The following XRN1 variants were observed in gnomAD, a reference collection of about 807,000 sequenced individuals.
XRN1 encodes strand-exchange protein 1 homolog.
XRN1 carries 67 observed loss-of-function variants against 222.3 expected under a neutral mutation model. The ratio of observed to expected loss-of-function variants is 0.30; its 90% CI spans 0.25 to 0.37. The LOEUF (loss-of-function observed/expected upper bound fraction) is 0.37, where lower values mean the gene tolerates loss of function less well. XRN1 is among the 10% of genes least tolerant of loss of function. XRN1 has a pLI of 1.00. For missense variants in XRN1, 1,707 were observed against 2,000.2 expected (o/e 0.85, Z 2.80); for synonymous variants, 643 against 652.4 (o/e 0.99, Z 0.22).
intron 35 of XRN1, 142 bp downstream of exon 35, chr3:142,332,824 GC>G: frequency 7.7e-7 from 1 of 1,303,058 alleles, no homozygotes; most frequent in Non-Finnish European, 1.0e-6. Flanking sequence ...GCCCAGGGCA[GC>G]CTGGTTTCCT....
intron 33 of XRN1, among the ~76,000 whole-genome samples, chr3:142,340,014 A>G (rs1263466257): frequency 3.3e-5 from 5 of 152,160 alleles, no homozygotes; most frequent in African/African-American, 1.2e-4. Flanking sequence ...TCATAATAGC[A>G]GAAGTGATTA....
chr3:142,421,766 C>A (rs1353547714), intron 8 of XRN1, among the ~76,000 whole-genome samples: 1 of 152,118 alleles, frequency 6.6e-6, no homozygotes, highest in Non-Finnish European at 1.5e-5. Flanking sequence ...ATTCCAGGTT[C>A]CACATAATAA....
chr3:142,346,948 G>T (rs1411211924), intron 33 of XRN1, among the ~76,000 whole-genome samples: 3 of 152,194 alleles, frequency 2.0e-5, no homozygotes, highest in Non-Finnish European at 2.9e-5. Flanking sequence ...TATATGAAGT[G>T]TCTAGAATAG....
At position 142,311,390 on chromosome 3, in the gene XRN1, A is replaced by T. The variant is rs562786726; in HGVS notation, c.*121T>A. ...GTGCCTGATAACTTAAAAATGAAAAAAATTTCAATTTACACATATTATTTT... is the reference window on the plus strand; with the variant it reads ...GTGCCTGATAACTTAAAAATGAAAATAATTTCAATTTACACATATTATTTT... On this transcript the variant is annotated 3_prime_UTR_variant, in exon 41 of 41. Transcript: ENST00000392981. 1,731 of 994,402 alleles carry T rather than the reference A, an allele frequency of 1.7e-3. 4 individuals carry two copies. Among genetic ancestry groups the T allele is most frequent in the Non-Finnish European group, 2.2e-3 (1,570 of 719,284 alleles). 61.6% of individuals were successfully genotyped at this position (994,402 alleles called of 1,614,324 possible).
chr3:142,379,855 C>G (rs1376103436), intron 23 of XRN1, among the ~76,000 whole-genome samples: 1 of 149,492 alleles, frequency 6.7e-6, no homozygotes, highest in Non-Finnish European at 1.5e-5. Context: ...ATAACAATCA[C>G]TATGGATTAA....
At position 142,332,954 on chromosome 3, in the gene XRN1, AC is replaced by A. The variant is rs752084391; in HGVS notation, c.4062+12del. 6.2e-7 allele frequency: 1 copy of A among 1,612,150 alleles called. No homozygotes were observed. Among genetic ancestry groups the A allele is most frequent in the East Asian group, 2.2e-5 (1 of 44,796 alleles). On this transcript the variant is annotated intron_variant, in intron 35 of 40. Transcript: ENST00000392981. ...AAATTACCACAGTAAGAAAGTTCCT[AC>A]AAAATACGAACCATGGCAAATGACT...
At chr3:142,319,565 A>G (rs1320990755) in intron 37 of XRN1, among the ~76,000 whole-genome samples, 1 of 152,208 alleles carries the variant, frequency 6.6e-6, no homozygotes, top group Admixed American at 6.5e-5. Flanking sequence ...AAATGTAGTT[A>G]CATGGATATA....
intron 1 of XRN1, among the ~76,000 whole-genome samples, chr3:142,441,540 G>C (rs537129712): frequency 6.6e-6 from 1 of 152,356 alleles, no homozygotes; most frequent in East Asian, 1.9e-4. Flanking sequence ...GTGGCAAAGG[G>C]TTGGCTTCAT....
At chr3:142,404,322 T>C (rs1369798571) in intron 16 of XRN1, among the ~76,000 whole-genome samples, 1 of 152,194 alleles carries the variant, frequency 6.6e-6, no homozygotes, top group Non-Finnish European at 1.5e-5. Flanking sequence ...AAACATTTTA[T>C]AATGCCTGTT....
intron 39 of XRN1, among the ~76,000 whole-genome samples, chr3:142,315,586 GC>G (rs1190290334): frequency 1.3e-5 from 2 of 150,164 alleles, no homozygotes; most frequent in Non-Finnish European, 3.0e-5. Context: ...TCAGCTCACT[GC>G]AACCTCTGCC....
chr3:142,424,709 T>A (rs1337960664), intron 5 of XRN1, among the ~76,000 whole-genome samples: 1 of 152,104 alleles, frequency 6.6e-6, no homozygotes, highest in African/African-American at 2.4e-5. Context: ...TTTGCTTTAA[T>A]AATCGGGCGG....
At position 142,447,927 on chromosome 3, in the gene XRN1, A is replaced by G. The variant is rs1398321403; in HGVS notation, c.18T>C (p.Phe6=). The change falls in exon 1 of 41, where the codon TTT becomes TTC. Residue 6 remains phenylalanine (F), a synonymous_variant. Coordinates refer to ENST00000392981, the MANE Select transcript of XRN1 (RefSeq NM_001282857.2). This position sits in a 1 kb window ranked among gnomAD's most constrained non-coding sequence, Gnocchi z 4.2. MGVPK[F]YRWISERYPC... is the part of the protein sequence containing the mutation. ...GATACCGCTCTGAGATCCATCTGTA[A>G]AACTTGGGGACTCCCATTTCGATCG... 6.2e-7 allele frequency: 1 copy of G among 1,613,816 alleles called. No individual in the cohort carries two copies. The highest frequency in any genetic ancestry group is 8.5e-7 in the Non-Finnish European group (1 of 1,179,974).
intron 33 of XRN1, among the ~76,000 whole-genome samples, chr3:142,343,959 T>C (rs530262289): frequency 2.0e-4 from 31 of 152,240 alleles, no homozygotes; most frequent in Non-Finnish European, 3.5e-4. Context: ...CTGGAGATCA[T>C]ATGTTAGGTG....
chr3:142,398,877 A>G (rs2068024478), intron 19 of XRN1, among the ~76,000 whole-genome samples: 1 of 152,176 alleles, frequency 6.6e-6, no homozygotes, highest in Non-Finnish European at 1.5e-5. Context: ...AAGATATAAA[A>G]TCAACATAAA....
intron 6 of XRN1, 119 bp from the exon 7 acceptor site, chr3:142,423,041 G>GCATA (rs1009656018): frequency 2.7e-6 from 2 of 752,162 alleles, no homozygotes; most frequent in African/African-American, 3.5e-5. Context: ...TGTAATTAAG[G>GCATA]CATACAATTT....
intron 33 of XRN1, among the ~76,000 whole-genome samples, chr3:142,346,956 T>C (rs1475459854): frequency 6.6e-6 from 1 of 152,162 alleles, no homozygotes; most frequent in East Asian, 1.9e-4. Context: ...GTGTCTAGAA[T>C]AGGCATATCC....
chr3:142,417,374 T>G (rs1479203272), intron 12 of XRN1, 145 bp from the exon 13 acceptor site: 1 of 644,162 alleles, frequency 1.6e-6, no homozygotes, highest in Non-Finnish European at 2.6e-6. Flanking sequence ...ATTATAATCC[T>G]AAAAACTCCA....
chr3:142,401,941 A>T lies in XRN1; in HGVS notation c.2104-1394T>A, dbSNP rs572721130. ...TTATGCAGCTTACATCCTCTGCTCC[A>T]TGCTTCTGTGGTACTATTTAACTTT... On this transcript the variant is annotated intron_variant, in intron 18 of 40. Coordinates refer to ENST00000392981, the MANE Select transcript of XRN1 (RefSeq NM_001282857.2). 3.9e-5 allele frequency among the ~76,000 whole-genome samples: 6 copies of T among 152,210 alleles called. No individual in the cohort carries two copies. In the South Asian group the frequency reaches 1.2e-3, roughly 32 times the overall value.
chr3:142,400,176 C>A (rs1388198848), intron 19 of XRN1, among the ~76,000 whole-genome samples: 2 of 152,028 alleles, frequency 1.3e-5, no homozygotes, highest in East Asian at 1.9e-4. Context: ...ATAATGATAA[C>A]CACTTCTAGA....
Sources: gnomAD v4.1 joint callset for allele counts (sites outside exome capture counted in the v4.1 genomes callset) on GRCh38, gnomAD v4.1.1 for gene constraint, Gnocchi (gnomAD v3.1) non-coding constraint, MANE v1.5 for transcripts, NCBI Gene and HGNC (gene_info 2026-07-23, HGNC 2026-07-21) for gene names.